Variants in AGTPBP1 observed in about 807,000 individuals in gnomAD.
AGTPBP1 encodes ATP/GTP binding carboxypeptidase 1.
A neutral mutation model predicts 143.9 loss-of-function variants in AGTPBP1; 70 were observed. The observed-to-expected ratio is 0.49, with a 90% CI of 0.40 to 0.59. The LOEUF (loss-of-function observed/expected upper bound fraction) is 0.59, where lower values mean the gene tolerates loss of function less well. Ranked by LOEUF, AGTPBP1 falls within the 20% of genes least tolerant of loss-of-function variation. The pLI is 0.00. For missense variants in AGTPBP1, 1,229 were observed against 1,464.5 expected (o/e 0.84, Z 2.62); for synonymous variants, 463 against 500.2 (o/e 0.93, Z 0.99).
chr9:85,741,469 C>A, intron 1 of AGTPBP1: 3 of 985,354 alleles, frequency 3.0e-6, no homozygotes, highest in Non-Finnish European at 3.6e-6. Context: ...GCGGCCTCCG[C>A]CCAGAGACCG....
chr9:85,740,694 C>T (rs920538147), intron 1 of AGTPBP1, among the ~76,000 whole-genome samples: 2 of 152,120 alleles, frequency 1.3e-5, no homozygotes, highest in Non-Finnish European at 2.9e-5. Context: ...AAAAAACGGA[C>T]ATAAAAGGTA....
the AGTPBP1 span, among the ~76,000 whole-genome samples, chr9:85,766,180 A>G: frequency 6.6e-6 from 1 of 152,064 alleles, no homozygotes; most frequent in South Asian, 2.1e-4. Context: ...TTAATACTCT[A>G]TTTGGGAAAA....
At chr9:85,564,884 G>A (rs1468090113) in intron 25 of AGTPBP1, among the ~76,000 whole-genome samples, 2 of 152,198 alleles carry the variant, frequency 1.3e-5, no homozygotes, top group Admixed American at 1.3e-4. Flanking sequence ...CTATTGAGAT[G>A]GAAATGATGT....
intron 17 of AGTPBP1, among the ~76,000 whole-genome samples, chr9:85,607,468 A>C (rs142146191): frequency 6.6e-6 from 1 of 152,254 alleles, no homozygotes; most frequent in East Asian, 1.9e-4. Flanking sequence ...CTCAGACTCA[A>C]TAAACCAGTC....
intron 25 of AGTPBP1, among the ~76,000 whole-genome samples, chr9:85,562,321 T>G (rs1380926805): frequency 6.6e-6 from 1 of 151,468 alleles, no homozygotes; most frequent in East Asian, 1.9e-4. Flanking sequence ...TTACAATAAA[T>G]GTAGGTGAAC....
At chr9:85,614,323 T>C (rs183375227) in intron 17 of AGTPBP1, among the ~76,000 whole-genome samples, 46 of 152,122 alleles carry the variant, frequency 3.0e-4, no homozygotes, top group Non-Finnish European at 2.9e-4. Context: ...AGCAAGAAGG[T>C]TGATTTTCAA....
At chr9:85,615,478 T>C (rs1403056175) in intron 17 of AGTPBP1, among the ~76,000 whole-genome samples, 1 of 152,104 alleles carries the variant, frequency 6.6e-6, no homozygotes, top group Non-Finnish European at 1.5e-5. Flanking sequence ...TACACAGACA[T>C]TACTAATGAT....
At chr9:85,627,392 C>T (rs150888295) in intron 14 of AGTPBP1, among the ~76,000 whole-genome samples, 8 of 152,254 alleles carry the variant, frequency 5.3e-5, no homozygotes, top group Admixed American at 1.3e-4. Context: ...ATTATCCAAG[C>T]ATTTCTGCCA....
At chr9:85,700,645 C>T (rs533387187) in intron 2 of AGTPBP1, among the ~76,000 whole-genome samples, 4 of 152,290 alleles carry the variant, frequency 2.6e-5, no homozygotes, top group Admixed American at 1.3e-4. Context: ...TGAGCCACTT[C>T]GCAAGTTTTG....
At chr9:85,564,895 A>C (rs1826981610) in intron 25 of AGTPBP1, among the ~76,000 whole-genome samples, 1 of 152,214 alleles carries the variant, frequency 6.6e-6, no homozygotes, top group Admixed American at 6.5e-5. Context: ...GAAATGATGT[A>C]TTTTGCTTGT....
At chr9:85,583,428 G>C (rs1828404292) in intron 23 of AGTPBP1, among the ~76,000 whole-genome samples, 1 of 152,112 alleles carries the variant, frequency 6.6e-6, no homozygotes, top group Non-Finnish European at 1.5e-5. Flanking sequence ...AAAGTTGACT[G>C]TGTCTAATGC....
chr9:85,779,412 A>G, the AGTPBP1 span, among the ~76,000 whole-genome samples: 1 of 152,090 alleles, frequency 6.6e-6, no homozygotes, highest in Non-Finnish European at 1.5e-5. Context: ...TGAAGAGCTT[A>G]GAGTCTGATG....
chr9:85,695,644 TTC>T (rs1180446544), intron 2 of AGTPBP1, among the ~76,000 whole-genome samples: 2 of 152,184 alleles, frequency 1.3e-5, no homozygotes, highest in Non-Finnish European at 2.9e-5. Flanking sequence ...CATCTTAATA[TTC>T]TGTGTGCATA....
In AGTPBP1 at chr9:85,672,699, A is replaced by G; in HGVS notation, c.437-18T>C. 6.4e-7 allele frequency: 1 copy of G among 1,552,138 alleles called. No individual in the cohort carries two copies. On this transcript the variant is annotated intron_variant, in intron 6 of 25. Coordinates refer to ENST00000357081, the MANE Select transcript of AGTPBP1 (RefSeq NM_001330701.2). ...TTTTTTATCTGTTTAAAAAAAAAAA[A>G]GACAATTTATGCACATACAACTTTT...
chr9:85,733,989 C>T (rs1447783688), intron 1 of AGTPBP1, among the ~76,000 whole-genome samples: 1 of 152,218 alleles, frequency 6.6e-6, no homozygotes, highest in Non-Finnish European at 1.5e-5. Context: ...CACGGTGGCT[C>T]ACGCCTGTAA....
the AGTPBP1 span, among the ~76,000 whole-genome samples, chr9:85,783,452 G>A: frequency 6.6e-6 from 1 of 151,842 alleles, no homozygotes; most frequent in East Asian, 1.9e-4. Flanking sequence ...ATTATATTGG[G>A]GATATAGCTT....
intron 25 of AGTPBP1, among the ~76,000 whole-genome samples, chr9:85,557,374 T>C (rs1826417036): frequency 6.6e-6 from 1 of 152,210 alleles, no homozygotes; most frequent in Non-Finnish European, 1.5e-5. Flanking sequence ...GCATTTCATC[T>C]ACTCAGCACA....
the AGTPBP1 span, among the ~76,000 whole-genome samples, chr9:85,786,935 A>C: frequency 6.6e-6 from 1 of 152,202 alleles, no homozygotes; most frequent in East Asian, 1.9e-4. Context: ...GTACATTATA[A>C]AAGTATGTTA....
At chr9:85,670,825 TTC>T (rs1442787569) in intron 7 of AGTPBP1, among the ~76,000 whole-genome samples, 3 of 152,340 alleles carry the variant, frequency 2.0e-5, no homozygotes, top group African/African-American at 4.8e-5. Flanking sequence ...GATCTTAATT[TTC>T]TCTGTTTATT....
Sources: gnomAD v4.1 joint callset for allele counts (sites outside exome capture counted in the v4.1 genomes callset) on GRCh38, gnomAD v4.1.1 for gene constraint, MANE v1.5 for transcripts, NCBI Gene and HGNC (gene_info 2026-07-23, HGNC 2026-07-21) for gene names.